BEND3: variants seen among roughly 807,000 people sequenced by gnomAD.
BEND3 encodes BEN domain-containing protein 3.
In BEND3, 13 loss-of-function variants were observed where a neutral mutation model predicts 60.1. That is an observed-to-expected ratio of 0.22 (90% CI 0.14 to 0.34). The LOEUF (loss-of-function observed/expected upper bound fraction) is 0.34, where lower values mean the gene tolerates loss of function less well. Ranked by LOEUF, BEND3 falls within the 10% of genes least tolerant of loss-of-function variation. BEND3 has a pLI of 1.00. For missense variants in BEND3, 896 were observed against 1,138.1 expected, an observed-to-expected ratio of 0.79 and a Z score of 3.06; for synonymous variants, 497 against 491.5, an observed-to-expected ratio of 1.01 and a Z score of -0.15.
rs1157481863 is a variant in BEND3 at position 107,065,934 on chromosome 6, T to C, written c.*2770A>G. 2 of 152,344 alleles carry C rather than the reference T, an allele frequency of 1.3e-5. No homozygotes were observed. Among genetic ancestry groups the C allele is most frequent in the Non-Finnish European group, 2.9e-5 (2 of 68,008 alleles). 9.4% of individuals were successfully genotyped at this position (152,344 alleles called of 1,614,324 possible). A position where few individuals can be genotyped will look rare whatever the true frequency, so the allele number is the denominator to read the frequency against. On this transcript the variant is annotated 3_prime_UTR_variant, in exon 4 of 4. Transcript: ENST00000369042. Reference sequence around the variant, plus strand: ...TCCTGTAGACACAGCCAAGGTGAACTGAAGGGGGATGCGAACACTCAGTAC... The same window carrying C: ...TCCTGTAGACACAGCCAAGGTGAACCGAAGGGGGATGCGAACACTCAGTAC...
intron 3 of BEND3, among the ~76,000 whole-genome samples, chr6:107,083,628 T>C (rs1775277921): frequency 6.6e-6 from 1 of 151,584 alleles, no homozygotes. Context: ...AGAGCAAGAC[T>C]GTATCTCAAA....
chr6:107,089,154 G>A (rs1775418327), intron 3 of BEND3, among the ~76,000 whole-genome samples: 1 of 149,114 alleles, frequency 6.7e-6, no homozygotes, highest in South Asian at 2.1e-4. Flanking sequence ...AAAAAAAAGT[G>A]AAATATCTCT....
intron 1 of BEND3, among the ~76,000 whole-genome samples, chr6:107,112,068 T>C (rs76284016): frequency 0.016 from 2,381 of 152,254 alleles, 57 homozygotes; most frequent in African/African-American, 0.055. Context: ...AAATCATTTT[T>C]GCTGGTTGGC....
At chr6:107,093,321 C>T (rs921643068) in intron 3 of BEND3, among the ~76,000 whole-genome samples, 1 of 152,112 alleles carries the variant, frequency 6.6e-6, no homozygotes, top group East Asian at 1.9e-4. Flanking sequence ...ATTAGCCGGG[C>T]GTGGTGGTGG....
At chr6:107,071,263 T>C (rs1774974661) in intron 3 of BEND3, among the ~76,000 whole-genome samples, 1 of 152,178 alleles carries the variant, frequency 6.6e-6, no homozygotes, top group African/African-American at 2.4e-5. Flanking sequence ...ATGCTGGCAA[T>C]ACTGGGCAAG....
chr6:107,113,216 C>T (rs1287423657), intron 1 of BEND3, among the ~76,000 whole-genome samples: 1 of 151,164 alleles, frequency 6.6e-6, no homozygotes, highest in Admixed American at 6.6e-5. Context: ...GCCAGGCAGG[C>T]AGATCACCTG....
rs376625038 is a variant in BEND3, at chr6:107,098,764, G to A, written c.38-11C>T. The A allele has an allele frequency of 1.2e-6, 2 of 1,611,276 alleles. No individual in the cohort carries two copies. The highest frequency in any genetic ancestry group is 1.3e-5 in the African/African-American group (1 of 74,848). ...TGATACTTTTTAGAACTGTGTCAGAGAAGAAATAGGGCTCAGTGGGAAAAA... is the reference window on the plus strand; with the variant it reads ...TGATACTTTTTAGAACTGTGTCAGAAAAGAAATAGGGCTCAGTGGGAAAAA... On this transcript the variant is annotated splice_polypyrimidine_tract_variant and intron_variant, in intron 2 of 3. Transcript: ENST00000369042.
rs1375857087 is a variant in BEND3, at chr6:107,068,017, G to A, written c.*687C>T. Reference sequence around the variant, plus strand: ...CAACATTCTACCAACGCGCCTGAAGGACAGGCCAAGCTGAACGGAAGCCTT... The same window carrying A: ...CAACATTCTACCAACGCGCCTGAAGAACAGGCCAAGCTGAACGGAAGCCTT... On this transcript the variant is annotated 3_prime_UTR_variant, in exon 4 of 4. Transcript: ENST00000369042. The surrounding 1 kb of genome is among the most constrained non-coding windows in gnomAD (Gnocchi z 5.8). 2 of 152,208 alleles carry A rather than the reference G, an allele frequency of 1.3e-5. No homozygotes were observed. The highest frequency in any genetic ancestry group is 3.9e-4 in the East Asian group (2 of 5,182). 9.4% of individuals were successfully genotyped at this position (152,208 alleles called of 1,614,324 possible).
Position 107,066,359 on chromosome 6 carries a change from G to C in BEND3, c.*2345C>G, listed in dbSNP as rs1214297562. The C allele has an allele frequency of 2.0e-5, 3 of 152,546 alleles. No individual in the cohort carries two copies. The highest frequency in any genetic ancestry group is 7.2e-5 in the African/African-American group (3 of 41,444). 9.4% of individuals were successfully genotyped at this position (152,546 alleles called of 1,614,324 possible). A position where few individuals can be genotyped will look rare whatever the true frequency, so the allele number is the denominator to read the frequency against. On this transcript the variant is annotated 3_prime_UTR_variant, in exon 4 of 4. Coordinates refer to ENST00000369042, the MANE Select transcript of BEND3 (RefSeq NM_001367314.1). ...TTCCTGACGACAGTCCAGAGATGGT[G>C]AGAGTTCCCACGTGTGTCCACTTCT...
chr6:107,065,456 A>G lies in BEND3; in HGVS notation c.*3248T>C, dbSNP rs1225034896. On this transcript the variant is annotated 3_prime_UTR_variant, in exon 4 of 4. Coordinates refer to ENST00000369042, the MANE Select transcript of BEND3 (RefSeq NM_001367314.1). ...CTGCTATTACTAGGATGTCAGAAAA[A>G]CATTAAGGCTGGATCTACGAGAGGC... 6.6e-6 allele frequency: 1 copy of G among 152,560 alleles called. No homozygotes were observed. Among genetic ancestry groups the G allele is most frequent in the East Asian group, 1.9e-4 (1 of 5,174 alleles). The allele number at this position is 152,560 out of a possible 1,614,324, so 9.5% of individuals were successfully genotyped here. A position where few individuals can be genotyped will look rare whatever the true frequency, so the allele number is the denominator to read the frequency against.
intron 3 of BEND3, 90 bp downstream of exon 3, chr6:107,098,461 T>TG (rs1201960481): frequency 7.2e-7 from 1 of 1,380,438 alleles, no homozygotes; most frequent in Non-Finnish European, 1.0e-6. Context: ...GTTCAGCAGT[T>TG]GCCAGGATGC....
chr6:107,080,354 C>CAAAAAAAAACAAAAA (rs1775200631), intron 3 of BEND3, among the ~76,000 whole-genome samples: 1 of 83,258 alleles, frequency 1.2e-5, no homozygotes, highest in East Asian at 3.2e-4. Context: ...GATCCCATCT[C>CAAAAAAAAACAAAAA]AAAAAAAAAA....
chr6:107,083,973 A>T (rs1554233877), intron 3 of BEND3, among the ~76,000 whole-genome samples: 2 of 152,258 alleles, frequency 1.3e-5, no homozygotes, highest in Non-Finnish European at 2.9e-5. Context: ...ATGAAAGAAG[A>T]TGAAGGACTT....
intron 2 of BEND3, 45 bp from the exon 3 acceptor site, chr6:107,098,798 G>A (rs1192882025): frequency 6.4e-7 from 1 of 1,551,904 alleles, no homozygotes; most frequent in Non-Finnish European, 8.9e-7. Flanking sequence ...AACCAGGGCT[G>A]CTCAGAGATC....
chr6:107,113,593 A>C (rs1171828466), intron 1 of BEND3, among the ~76,000 whole-genome samples: 1 of 152,116 alleles, frequency 6.6e-6, no homozygotes, highest in Non-Finnish European at 1.5e-5. Flanking sequence ...CTCTCCATTC[A>C]TTTAGGAAAT....
intron 1 of BEND3, chr6:107,114,306 G>GCCTCGCGCCAGC (rs1176349910): frequency 2.6e-5 from 4 of 152,124 alleles, no homozygotes; most frequent in African/African-American, 9.7e-5. Flanking sequence ...GGCCGGCCAG[G>GCCTCGCGCCAGC]CCTCGCGCCA....
At chr6:107,081,725 G>A (rs1775238343) in intron 3 of BEND3, among the ~76,000 whole-genome samples, 1 of 151,522 alleles carries the variant, frequency 6.6e-6, no homozygotes, top group South Asian at 2.1e-4. Flanking sequence ...GGTGATACCT[G>A]AAGCTCCAGC....
chr6:107,085,293 T>G (rs1175144935), intron 3 of BEND3, among the ~76,000 whole-genome samples: 1 of 152,144 alleles, frequency 6.6e-6, no homozygotes, highest in Non-Finnish European at 1.5e-5. Context: ...GGCTTCATTC[T>G]TGAAGTCAGT....
rs782637988 is a variant in BEND3, at chr6:107,068,776, G to A, written c.2415C>T (p.Ile805=). ...EVWHYECIPS[I]DERCRRPNRK... is the part of the protein sequence containing the mutation. ...TGTTGGGGCGGCGGCACCTCTCATC[G>A]ATGCTGGGGATACATTCGTAGTGCC... Residue 805 remains isoleucine (I), a synonymous_variant, in exon 4 of 4, where the codon ATC becomes ATT. Transcript: ENST00000369042. This position sits in a 1 kb window ranked among gnomAD's most constrained non-coding sequence, Gnocchi z 5.8. 1.4e-5 allele frequency: 22 copies of A among 1,614,058 alleles called. No homozygotes were observed. The South Asian group carries it at 1.4e-4, about 10-fold the overall frequency.
Sources: allele counts gnomAD v4.1 joint callset (sites outside exome capture counted in the v4.1 genomes callset), GRCh38; gene constraint gnomAD v4.1.1; non-coding constraint Gnocchi (gnomAD v3.1); transcripts MANE v1.5; gene names NCBI Gene and HGNC (gene_info 2026-07-23, HGNC 2026-07-21).